Variants in ITSN1 observed in about 807,000 individuals in gnomAD.
The protein encoded by ITSN1 is intersectin 1, also known as intersectin-1.
ITSN1 carries 58 observed loss-of-function variants against 239.8 expected under a neutral mutation model. The ratio of observed to expected loss-of-function variants is 0.24; its 90% CI spans 0.20 to 0.30. ITSN1 has a LOEUF of 0.30. Ranked by LOEUF, ITSN1 falls within the 10% of genes least tolerant of loss-of-function variation. The pLI is 1.00. For missense variants in ITSN1, 1,558 were observed against 2,103.3 expected (o/e 0.74, Z 5.07); for synonymous variants, 780 against 770.8 (o/e 1.01, Z -0.20).
chr21:33,831,328 CA>C (rs2148369558), intron 27 of ITSN1, among the ~76,000 whole-genome samples: 1 of 152,304 alleles, frequency 6.6e-6, no homozygotes, highest in Non-Finnish European at 1.5e-5. Flanking sequence ...CTGCGTAACA[CA>C]GGGGGGCCTC....
intron 5 of ITSN1, chr21:33,735,471 C>T: frequency 2.6e-6 from 1 of 387,596 alleles, no homozygotes; most frequent in Non-Finnish European, 4.6e-6. Context: ...TCCGCTGCTG[C>T]AGCTTCTGGG....
intron 22 of ITSN1, chr21:33,817,391 C>T (rs2073356916): frequency 2.3e-6 from 3 of 1,304,424 alleles, no homozygotes; most frequent in Non-Finnish European, 3.0e-6. Flanking sequence ...TGTCAAAGTC[C>T]TTCTCATCCT....
At chr21:33,846,761 G>C (rs2268252) in intron 29 of ITSN1, among the ~76,000 whole-genome samples, 2 of 152,284 alleles carry the variant, frequency 1.3e-5, no homozygotes, top group East Asian at 3.9e-4. Context: ...TCCCTGCTGC[G>C]TGTAGCCTGG....
intron 29 of ITSN1, among the ~76,000 whole-genome samples, chr21:33,840,274 A>G (rs1229663687): frequency 6.6e-6 from 1 of 152,238 alleles, no homozygotes; most frequent in Non-Finnish European, 1.5e-5. Context: ...CTTCTAATAA[A>G]TTAGTGAAGG....
chr21:33,818,495 G>A, intron 23 of ITSN1, 23 bp downstream of exon 23: 11 of 1,575,246 alleles, frequency 7.0e-6, no homozygotes, highest in Non-Finnish European at 8.7e-6. Flanking sequence ...TTATCTGCTT[G>A]TATTTGATGA....
intron 25 of ITSN1, 63 bp downstream of exon 25, chr21:33,823,716 C>A: frequency 6.8e-7 from 1 of 1,478,212 alleles, no homozygotes; most frequent in Non-Finnish European, 9.3e-7. Context: ...TGGGGAGTCA[C>A]GATGTTTGAC....
chr21:33,853,900 A>G (rs1203703278), intron 29 of ITSN1, among the ~76,000 whole-genome samples: 1 of 152,164 alleles, frequency 6.6e-6, no homozygotes, highest in Non-Finnish European at 1.5e-5. Context: ...CACCACCTTC[A>G]GCGGAGGGTG....
chr21:33,862,121 T>C (rs1290991732), intron 31 of ITSN1, among the ~76,000 whole-genome samples: 1 of 131,874 alleles, frequency 7.6e-6, no homozygotes, highest in Non-Finnish European at 1.5e-5. Flanking sequence ...ACCAAGATCG[T>C]GCCACTGCAC....
At chr21:33,738,690 G>A (rs1487578527) in intron 5 of ITSN1, among the ~76,000 whole-genome samples, 1 of 152,076 alleles carries the variant, frequency 6.6e-6, no homozygotes, top group Non-Finnish European at 1.5e-5. Context: ...ATGAGCCACC[G>A]CACCCGGATG....
chr21:33,660,793 G>A (rs1455165819), intron 1 of ITSN1, among the ~76,000 whole-genome samples: 2 of 152,204 alleles, frequency 1.3e-5, no homozygotes, highest in Middle Eastern at 3.4e-3. Flanking sequence ...TCATATAAGT[G>A]AACTTTTTAT....
At chr21:33,787,707 G>T (rs1429982532) in intron 16 of ITSN1, among the ~76,000 whole-genome samples, 1 of 152,174 alleles carries the variant, frequency 6.6e-6, no homozygotes, top group East Asian at 1.9e-4. Context: ...AAAAATGCTT[G>T]TGAAGGGAAA....
At chr21:33,695,158 A>G (rs911349285) in intron 1 of ITSN1, among the ~76,000 whole-genome samples, 1 of 152,158 alleles carries the variant, frequency 6.6e-6, no homozygotes, top group African/African-American at 2.4e-5. Flanking sequence ...TACGCTTTCC[A>G]AAGGAGTTGT....
At chr21:33,855,212 G>C (rs759048713) in intron 29 of ITSN1, among the ~76,000 whole-genome samples, 6 of 152,172 alleles carry the variant, frequency 3.9e-5, no homozygotes, top group Non-Finnish European at 8.8e-5. Flanking sequence ...TTGAACATTA[G>C]TGCGCCAAAA....
chr21:33,771,357 G>A (rs1022052886), intron 11 of ITSN1, among the ~76,000 whole-genome samples: 6 of 152,256 alleles, frequency 3.9e-5, no homozygotes, highest in Admixed American at 2.6e-4. Flanking sequence ...CCTGGCCGGC[G>A]TTGGTACCAA....
intron 29 of ITSN1, chr21:33,837,859 T>C: frequency 4.1e-6 from 4 of 985,892 alleles, no homozygotes; most frequent in Non-Finnish European, 4.8e-6. Context: ...TTGCATAGCA[T>C]AAAATCAGTA....
intron 12 of ITSN1, 181 bp from the exon 13 acceptor site, chr21:33,774,548 C>T (rs903154725): frequency 3.5e-6 from 2 of 574,650 alleles, no homozygotes; most frequent in Admixed American, 3.2e-5. Context: ...TGTGTATTCC[C>T]TTTATTCCCA....
chr21:33,745,314 T>C (rs1443448739), intron 5 of ITSN1, among the ~76,000 whole-genome samples: 1 of 152,156 alleles, frequency 6.6e-6, no homozygotes, highest in African/African-American at 2.4e-5. Flanking sequence ...GCCTGGGTCT[T>C]TCAACAGAAA....
chr21:33,648,570 G>C (rs1392146932), intron 1 of ITSN1, among the ~76,000 whole-genome samples: 1 of 152,180 alleles, frequency 6.6e-6, no homozygotes, highest in Non-Finnish European at 1.5e-5. Flanking sequence ...CTTTGGGACC[G>C]GTGCTGTGGG....
chr21:33,691,427 C>G (rs974951220), intron 1 of ITSN1, among the ~76,000 whole-genome samples: 2 of 152,122 alleles, frequency 1.3e-5, no homozygotes, highest in Admixed American at 6.5e-5. Flanking sequence ...TACTCTGATG[C>G]TTGTTAAAAT....
Sources: gnomAD v4.1 joint callset for allele counts (sites outside exome capture counted in the v4.1 genomes callset) on GRCh38, gnomAD v4.1.1 for gene constraint, MANE v1.5 for transcripts, NCBI Gene and HGNC (gene_info 2026-07-23, HGNC 2026-07-21) for gene names.